The following NEK10 variants were observed in gnomAD, a reference collection of about 807,000 sequenced individuals.
NEK10 encodes the protein NIMA related kinase 10, also known as serine/threonine-protein kinase Nek10.
In NEK10, 122 loss-of-function variants were observed where a neutral mutation model predicts 159.8. The observed-to-expected ratio is 0.76, with a 90% CI of 0.66 to 0.89. The LOEUF (loss-of-function observed/expected upper bound fraction) is 0.89. NEK10 is among the 40% of genes least tolerant of loss of function. The probability of loss-of-function intolerance (pLI) is 0.00; values close to 1 mark genes in which losing one functional copy is unlikely to be tolerated. For synonymous variants in NEK10, 466 were observed against 457.1 expected (o/e 1.02, Z -0.25); for missense variants, 1,342 against 1,323.1 (o/e 1.01, Z -0.22).
chr3:27,113,103 G>A (rs1350849438), intron 35 of NEK10, among the ~76,000 whole-genome samples: 1 of 152,140 alleles, frequency 6.6e-6, no homozygotes, highest in Non-Finnish European at 1.5e-5. Context: ...ATTCTGGAGA[G>A]TTTTTCTCCC....
intron 5 of NEK10, among the ~76,000 whole-genome samples, chr3:27,325,775 G>A (rs1178479347): frequency 1.3e-5 from 2 of 152,172 alleles, no homozygotes; most frequent in Non-Finnish European, 2.9e-5. Context: ...CCCCCAACAA[G>A]GCCTGGCTCT....
At chr3:27,118,756 T>C (rs1050030443) in intron 33 of NEK10, among the ~76,000 whole-genome samples, 1 of 152,256 alleles carries the variant, frequency 6.6e-6, no homozygotes, top group Non-Finnish European at 1.5e-5. Context: ...AAAAGCAAAT[T>C]ACTTTAAACA....
At chr3:27,335,035 A>G (rs989395193) in intron 5 of NEK10, among the ~76,000 whole-genome samples, 2 of 152,170 alleles carry the variant, frequency 1.3e-5, no homozygotes, top group Admixed American at 6.5e-5. Flanking sequence ...AAACATAGAT[A>G]TCTTAAAAAA....
intron 23 of NEK10, among the ~76,000 whole-genome samples, chr3:27,220,434 C>G (rs1483033819): frequency 6.6e-6 from 1 of 152,200 alleles, no homozygotes; most frequent in Non-Finnish European, 1.5e-5. Flanking sequence ...TCTTCTGCCT[C>G]CCTTTTTCAT....
Position 27,108,860 on chromosome 3 carries a change from TG to T in NEK10, c.*2411del. Among the ~76,000 whole-genome samples the T allele has an allele frequency of 6.6e-6, 1 of 152,332 alleles. No homozygotes were observed. The highest frequency in any genetic ancestry group is 1.5e-5 in the Non-Finnish European group (1 of 68,032). The stretch of plus-strand genomic sequence containing the variant: ...GACTCTATGTACAAAATGGTGCTTT[TG>T]CCAGAGCCTGACTTTCTCTTAGAGA... On this transcript the variant is annotated 3_prime_UTR_variant, in exon 36 of 36. Transcript: ENST00000691995.
intron 4 of NEK10, 143 bp from the exon 5 acceptor site, chr3:27,344,513 G>A (rs1024294555): frequency 2.1e-6 from 1 of 470,306 alleles, no homozygotes; most frequent in African/African-American, 2.0e-5. Context: ...GGCAAATATT[G>A]AAGGAGCCTT....
At chr3:27,320,395 TTCC>T (rs2045534173) in intron 6 of NEK10, among the ~76,000 whole-genome samples, 4 of 152,214 alleles carry the variant, frequency 2.6e-5, no homozygotes, top group Admixed American at 2.6e-4. Flanking sequence ...TAACTGGACC[TTCC>T]TCCTGGAAAA....
At chr3:27,357,356 C>G (rs995284776) in intron 1 of NEK10, among the ~76,000 whole-genome samples, 2 of 152,054 alleles carry the variant, frequency 1.3e-5, no homozygotes, top group Non-Finnish European at 2.9e-5. Flanking sequence ...GTCAACAAAT[C>G]GCTCATAAAA....
intron 17 of NEK10, 27 bp from the exon 18 acceptor site, chr3:27,291,417 G>T (rs1471453165): frequency 3.7e-6 from 6 of 1,608,850 alleles, no homozygotes; most frequent in Non-Finnish European, 3.4e-6. Flanking sequence ...AAGGAAATGG[G>T]TTTCTGTGAT....
At chr3:27,180,813 T>C (rs542399772) in intron 26 of NEK10, among the ~76,000 whole-genome samples, 1 of 152,218 alleles carries the variant, frequency 6.6e-6, no homozygotes, top group African/African-American at 2.4e-5. Flanking sequence ...TTAACCAATT[T>C]CCCTGATTTC....
At chr3:27,208,437 G>C (rs756614076) in intron 23 of NEK10, among the ~76,000 whole-genome samples, 1 of 152,112 alleles carries the variant, frequency 6.6e-6, no homozygotes, top group Non-Finnish European at 1.5e-5. Flanking sequence ...AAAAATTAAA[G>C]AGCACCCTGA....
intron 33 of NEK10, among the ~76,000 whole-genome samples, chr3:27,118,173 CTA>C (rs1242216766): frequency 6.6e-6 from 1 of 152,150 alleles, no homozygotes; most frequent in Non-Finnish European, 1.5e-5. Flanking sequence ...TTCCATTGGT[CTA>C]TGTGTCTGTT....
At chr3:27,233,495 A>G (rs1379342710) in intron 23 of NEK10, among the ~76,000 whole-genome samples, 1 of 152,090 alleles carries the variant, frequency 6.6e-6, no homozygotes, top group Non-Finnish European at 1.5e-5. Context: ...AACTGTAAGA[A>G]GATTACATAA....
At chr3:27,191,025 A>T (rs1949065977) in intron 26 of NEK10, among the ~76,000 whole-genome samples, 1 of 152,224 alleles carries the variant, frequency 6.6e-6, no homozygotes, top group Non-Finnish European at 1.5e-5. Flanking sequence ...TTTCCTTCCC[A>T]AATGAAAACT....
intron 30 of NEK10, among the ~76,000 whole-genome samples, chr3:27,147,732 C>A (rs1274536443): frequency 2.0e-5 from 3 of 152,158 alleles, no homozygotes; most frequent in Non-Finnish European, 4.4e-5. Context: ...GGTTAACCTG[C>A]AGAAATTAAT....
intron 30 of NEK10, among the ~76,000 whole-genome samples, chr3:27,146,125 G>GA (rs1035770221): frequency 6.6e-6 from 1 of 152,122 alleles, no homozygotes; most frequent in African/African-American, 2.4e-5. Flanking sequence ...TAATAAGCTG[G>GA]AAGCATTAGG....
intron 23 of NEK10, among the ~76,000 whole-genome samples, chr3:27,215,174 A>C (rs982126182): frequency 6.6e-6 from 1 of 152,218 alleles, no homozygotes; most frequent in East Asian, 1.9e-4. Flanking sequence ...ATCTCTGAAC[A>C]CATAAAGATA....
At chr3:27,367,904 C>A (rs1389714752) in intron 1 of NEK10, among the ~76,000 whole-genome samples, 1 of 152,090 alleles carries the variant, frequency 6.6e-6, no homozygotes, top group Non-Finnish European at 1.5e-5. Context: ...GATGGAACTG[C>A]TGATAGAAGG....
chr3:27,151,451 A>G (rs1366903238), intron 30 of NEK10, among the ~76,000 whole-genome samples: 2 of 152,196 alleles, frequency 1.3e-5, no homozygotes, highest in Non-Finnish European at 2.9e-5. Flanking sequence ...CCATAGGAAA[A>G]GGGTAAGAGT....
Sources: allele counts gnomAD v4.1 joint callset (sites outside exome capture counted in the v4.1 genomes callset), GRCh38; gene constraint gnomAD v4.1.1; transcripts MANE v1.5; gene names NCBI Gene and HGNC (gene_info 2026-07-23, HGNC 2026-07-21).